The following FAM13B variants were observed in gnomAD, a reference collection of about 807,000 sequenced individuals.
FAM13B encodes family with sequence similarity 13 member B.
FAM13B carries 60 observed loss-of-function variants against 117.3 expected under a neutral mutation model. That is an observed-to-expected ratio of 0.51 (90% CI 0.42 to 0.63). FAM13B has a LOEUF of 0.63. Ranked by LOEUF, FAM13B falls within the 30% of genes least tolerant of loss-of-function variation. The pLI, the probability that FAM13B is intolerant of heterozygous loss-of-function variation, is 0.00. For missense variants in FAM13B, 972 were observed against 1,091.9 expected (o/e 0.89, Z 1.55); for synonymous variants, 332 against 356.1 (o/e 0.93, Z 0.76).
intron 10 of FAM13B, among the ~76,000 whole-genome samples, chr5:137,975,237 CT>C (rs545801682): frequency 2.0e-5 from 3 of 152,260 alleles, no homozygotes; most frequent in African/African-American, 7.2e-5. Context: ...TAATATTCCC[CT>C]CTTCTGCAAC....
chr5:137,944,101 T>C (rs1342705999), intron 20 of FAM13B, among the ~76,000 whole-genome samples: 2 of 152,210 alleles, frequency 1.3e-5, no homozygotes, highest in Non-Finnish European at 2.9e-5. Flanking sequence ...AAATATTTCA[T>C]ACAAATGGGA....
chr5:137,968,025 C>A (rs1250958298), intron 10 of FAM13B, among the ~76,000 whole-genome samples: 2 of 151,908 alleles, frequency 1.3e-5, no homozygotes, highest in African/African-American at 4.8e-5. Flanking sequence ...AGTTCGAGAC[C>A]AACCTGATCA....
chr5:137,952,464 C>T (rs2150210737), intron 17 of FAM13B, among the ~76,000 whole-genome samples, 164 bp downstream of exon 17: 1 of 152,184 alleles, frequency 6.6e-6, no homozygotes, highest in Admixed American at 6.5e-5. Context: ...CACAGTACTA[C>T]AGTATGCAAT....
In FAM13B at chr5:138,040,430, G is replaced by A. The variant is rs537939798; in HGVS notation, c.-203+11448C>T. Among the ~76,000 whole-genome samples, 7 of 151,628 alleles carry A rather than the reference G, an allele frequency of 4.6e-5. No individual in the cohort carries two copies. In the South Asian group the frequency reaches 8.3e-4, roughly 18 times the overall value. On this transcript the variant is annotated intron_variant, in intron 1 of 3. Transcript: ENST00000502471. Reference sequence around the variant, plus strand: ...TAAAAATATTAAAAAAAATTAGCTCGGCATGGTGGTGCATGCCTGTGATCC... The same window carrying A: ...TAAAAATATTAAAAAAAATTAGCTCAGCATGGTGGTGCATGCCTGTGATCC...
intron 1 of FAM13B, among the ~76,000 whole-genome samples, chr5:138,038,765 C>G (rs1296481849): frequency 1.3e-5 from 2 of 152,206 alleles, no homozygotes; most frequent in Non-Finnish European, 2.9e-5. Context: ...AAATACTGTT[C>G]TGATCTTAGC....
At chr5:137,945,297 A>G (rs1193425475) in intron 20 of FAM13B, among the ~76,000 whole-genome samples, 1 of 152,222 alleles carries the variant, frequency 6.6e-6, no homozygotes, top group African/African-American at 2.4e-5. Context: ...ATCTACAGTC[A>G]TACTATCTAA....
chr5:137,971,039 T>A (rs6596413), intron 10 of FAM13B, among the ~76,000 whole-genome samples: 17 of 151,298 alleles, frequency 1.1e-4, no homozygotes, highest in Non-Finnish European at 2.5e-4. Context: ...ACTGTCAACA[T>A]TAGACAGATC....
chr5:137,986,268 G>A (rs1777179023), intron 9 of FAM13B, among the ~76,000 whole-genome samples: 1 of 151,320 alleles, frequency 6.6e-6, no homozygotes, highest in Admixed American at 6.6e-5. Flanking sequence ...TCCCAGCACT[G>A]GTTTTCACAT....
At chr5:137,940,717 G>A (rs529360427) in intron 23 of FAM13B, among the ~76,000 whole-genome samples, 8 of 152,302 alleles carry the variant, frequency 5.3e-5, no homozygotes, top group African/African-American at 1.9e-4. Flanking sequence ...TGCGGCTCCA[G>A]TGAATTGAGA....
Position 137,946,219 on chromosome 5 carries a change from A to G in FAM13B, c.2244+9T>C. ...TAAAATCAAATCTTTTTAGCAAGAGAGATATTACCGGCCTTCCATGTTGAC... is the reference window on the plus strand; with the variant it reads ...TAAAATCAAATCTTTTTAGCAAGAGGGATATTACCGGCCTTCCATGTTGAC... On this transcript the variant is annotated intron_variant, in intron 19 of 23. Coordinates refer to ENST00000689681, the MANE Select transcript of FAM13B (RefSeq NM_001385994.1). The G allele has an allele frequency of 1.3e-6, 2 of 1,573,224 alleles. No individual in the cohort carries two copies. Among genetic ancestry groups the G allele is most frequent in the South Asian group, 1.2e-5 (1 of 83,664 alleles).
intron 7 of FAM13B, among the ~76,000 whole-genome samples, chr5:137,992,990 A>G (rs1778998603): frequency 1.2e-5 from 1 of 81,822 alleles, no homozygotes; most frequent in Admixed American, 1.4e-4. Flanking sequence ...TAATCATACA[A>G]GAGGATACTT....
At chr5:138,008,147 T>G (rs943530582) in intron 6 of FAM13B, among the ~76,000 whole-genome samples, 1 of 152,164 alleles carries the variant, frequency 6.6e-6, no homozygotes, top group African/African-American at 2.4e-5. Context: ...TTTTAAAGTA[T>G]AATACAGGTT....
intron 7 of FAM13B, among the ~76,000 whole-genome samples, chr5:138,001,495 G>A (rs1227468568): frequency 6.6e-6 from 1 of 152,130 alleles, no homozygotes. Context: ...GAACATTCAA[G>A]AAAATTCCAT....
chr5:137,985,627 A>G (rs746721469), intron 9 of FAM13B, among the ~76,000 whole-genome samples: 16 of 152,198 alleles, frequency 1.1e-4, no homozygotes, highest in Non-Finnish European at 1.9e-4. Context: ...TTCATAAGCG[A>G]ATAAATAGCT....
chr5:137,983,176 T>TAAAAAAAAAAA (rs56880991), intron 10 of FAM13B, among the ~76,000 whole-genome samples: 1 of 75,118 alleles, frequency 1.3e-5, no homozygotes, highest in African/African-American at 5.7e-5. Context: ...CCAGTGTAGG[T>TAAAAAAAAAAA]AAAAAAAAAA....
In FAM13B at chr5:137,963,750, C is replaced by T. The variant is rs546660437; in HGVS notation, c.1180-1281G>A. On this transcript the variant is annotated intron_variant, in intron 10 of 23. Coordinates refer to ENST00000689681, the MANE Select transcript of FAM13B (RefSeq NM_001385994.1). ...AGTGAGCACTATGGCATGAGCTCCG[C>T]GCCTCCAGTCATATGAGTGCTGGCA... 3.9e-5 allele frequency among the ~76,000 whole-genome samples: 6 copies of T among 152,260 alleles called. No individual in the cohort carries two copies. In the East Asian group the frequency reaches 5.8e-4, roughly 15 times the overall value.
chr5:138,050,309 C>T (rs1331628940), intron 1 of FAM13B, among the ~76,000 whole-genome samples: 2 of 151,872 alleles, frequency 1.3e-5, no homozygotes, highest in East Asian at 1.9e-4. Flanking sequence ...TGGTGATGCA[C>T]GCCTGTAATC....
upstream of FAM13B, chr5:138,037,168 A>G (rs1791244899): frequency 6.1e-6 from 1 of 163,562 alleles, no homozygotes; most frequent in Non-Finnish European, 1.3e-5. Context: ...TGCAATAGCT[A>G]TTTGGCCAGG....
intron 14 of FAM13B, among the ~76,000 whole-genome samples, chr5:137,955,566 C>T (rs1296467198): frequency 6.6e-6 from 1 of 152,104 alleles, no homozygotes; most frequent in Admixed American, 6.6e-5. Context: ...CACAAATATA[C>T]CCCAAATACA....
Sources: gnomAD v4.1 joint callset for allele counts (sites outside exome capture counted in the v4.1 genomes callset) on GRCh38, gnomAD v4.1.1 for gene constraint, MANE v1.5 for transcripts, NCBI Gene and HGNC (gene_info 2026-07-23, HGNC 2026-07-21) for gene names.